ARAP2: variants seen among roughly 807,000 people sequenced by gnomAD.
The protein encoded by ARAP2 is arf-GAP with Rho-GAP domain, ANK repeat and PH domain-containing protein 2.
ARAP2 carries 148 observed loss-of-function variants against 194.5 expected under a neutral mutation model. The observed-to-expected ratio is 0.76, with a 90% CI of 0.67 to 0.87. The LOEUF is 0.87. Among genes scored for constraint, ARAP2 ranks in the 40% least tolerant of loss-of-function variants. The pLI, the probability that ARAP2 is intolerant of heterozygous loss-of-function variation, is 0.00. For synonymous variants in ARAP2, 695 were observed against 683.5 expected (o/e 1.02, Z -0.26); for missense variants, 2,128 against 1,989.7 (o/e 1.07, Z -1.32).
intron 1 of ARAP2, among the ~76,000 whole-genome samples, chr4:36,232,640 GCATACA>G (rs1357553039): frequency 6.6e-6 from 1 of 152,090 alleles, no homozygotes; most frequent in Non-Finnish European, 1.5e-5. Flanking sequence ...ATAACTTTTT[GCATACA>G]CTCTATCTGC....
chr4:36,036,069 C>A (rs1225764235), intron 5 of ARAP2, among the ~76,000 whole-genome samples: 3 of 151,854 alleles, frequency 2.0e-5, no homozygotes, highest in Non-Finnish European at 2.9e-5. Context: ...CAAAGCAAGT[C>A]CATTTTTGTT....
rs71201004 is a variant in ARAP2, at chr4:36,182,495, CTAAA to C, written c.1679-4494_1679-4491del. Among the ~76,000 whole-genome samples the C allele has an allele frequency of 8.4e-3, 1,186 of 140,776 alleles. 15 individuals are homozygous for C. Among genetic ancestry groups the C allele is most frequent in the African/African-American group, 0.025 (938 of 37,784 alleles). The allele number at this position is 140,776 out of a possible 152,430, so 92.4% of individuals were successfully genotyped here. A position where few individuals can be genotyped will look rare whatever the true frequency, so the allele number is the denominator to read the frequency against. On this transcript the variant is annotated intron_variant, in intron 8 of 32. Transcript: ENST00000303965. ...TGTGTGACAGAGCGAGACTCCATCTCTAAATAAATAAATAAATAAATAAATAAAT... is the reference window on the plus strand; with the variant it reads ...TGTGTGACAGAGCGAGACTCCATCTCTAAATAAATAAATAAATAAATAAAT...
At chr4:36,207,671 C>T (rs528889828) in intron 6 of ARAP2, among the ~76,000 whole-genome samples, 48 of 152,160 alleles carry the variant, frequency 3.2e-4, no homozygotes, top group African/African-American at 1.1e-3. Flanking sequence ...CAGTTTCAAA[C>T]ACTATTTGAA....
intron 1 of ARAP2, among the ~76,000 whole-genome samples, chr4:36,231,704 C>T (rs561115999): frequency 1.4e-4 from 22 of 152,248 alleles, no homozygotes; most frequent in Admixed American, 3.3e-4. Context: ...CATACACACA[C>T]GCACACCAAG....
At chr4:36,084,727 A>G (rs1411040558) in intron 28 of ARAP2, among the ~76,000 whole-genome samples, 1 of 152,136 alleles carries the variant, frequency 6.6e-6, no homozygotes, top group East Asian at 1.9e-4. Context: ...TATAACAGAA[A>G]TACAGGGGAA....
chr4:36,228,328 A>C (rs1330065749), intron 2 of ARAP2, among the ~76,000 whole-genome samples: 1 of 152,206 alleles, frequency 6.6e-6, no homozygotes, highest in African/African-American at 2.4e-5. Context: ...AGGAATATCC[A>C]GGTAGAATTA....
chr4:36,211,136 G>A (rs924437462), intron 5 of ARAP2, among the ~76,000 whole-genome samples: 1 of 152,076 alleles, frequency 6.6e-6, no homozygotes, highest in African/African-American at 2.4e-5. Context: ...TCTATATGGA[G>A]ATCTTATTTC....
chr4:36,050,839 C>T (rs779449970), intron 3 of ARAP2, among the ~76,000 whole-genome samples: 2 of 152,160 alleles, frequency 1.3e-5, no homozygotes, highest in East Asian at 1.9e-4. Context: ...GATATTCCAG[C>T]GCTCTATTGC....
chr4:36,193,460 C>A, intron 7 of ARAP2, 118 bp downstream of exon 7: 1 of 550,908 alleles, frequency 1.8e-6, no homozygotes, highest in Non-Finnish European at 3.1e-6. Flanking sequence ...TTAGTTGCAA[C>A]TTCAAATTCT....
intron 6 of ARAP2, 96 bp from the exon 7 acceptor site, chr4:36,193,743 T>C (rs1485263018): frequency 2.1e-6 from 2 of 967,482 alleles, no homozygotes; most frequent in Admixed American, 2.7e-5. Context: ...ATATTATTAT[T>C]TAATGTTAAA....
chr4:36,151,363 T>C (rs1560537748), intron 15 of ARAP2, among the ~76,000 whole-genome samples: 1 of 152,144 alleles, frequency 6.6e-6, no homozygotes, highest in Non-Finnish European at 1.5e-5. Context: ...TGTAGAGTAT[T>C]AAAAGGAAAA....
chr4:36,164,943 A>C lies in ARAP2; in HGVS notation c.2144T>G (p.Leu715Arg). Residue 715 changes from leucine (L) to arginine (R), a missense_variant, in exon 11 of 33, where the codon CTC (leucine) becomes CGC (arginine). Leu to Arg is a moderately radical substitution (Grantham distance 102). Coordinates refer to ENST00000303965, the MANE Select transcript of ARAP2 (RefSeq NM_015230.4). ...APDPDWASIN[L>R]CVVICKKCAG... ...ACACTTCTTACAGATGACAACACAG[A>C]GATTGATGGATGCCCAGTCAGGATC... 1 of 1,614,128 alleles carries C rather than the reference A, an allele frequency of 6.2e-7. No homozygotes were observed. Among genetic ancestry groups the C allele is most frequent in the South Asian group, 1.1e-5 (1 of 91,088 alleles).
intron 4 of ARAP2, chr4:36,046,562 A>T (rs1333430733): frequency 6.6e-6 from 1 of 152,152 alleles, no homozygotes; most frequent in Non-Finnish European, 1.5e-5. Context: ...TGGATGTTAA[A>T]AAAAGTTCTA....
At chr4:36,135,548 T>G (rs1407323509) in intron 19 of ARAP2, among the ~76,000 whole-genome samples, 1 of 151,822 alleles carries the variant, frequency 6.6e-6, no homozygotes, top group Admixed American at 6.6e-5. Flanking sequence ...TGTAATTTTC[T>G]TTTTGAAGAA....
chr4:36,111,203 A>G (rs1245335467), intron 26 of ARAP2, among the ~76,000 whole-genome samples: 4 of 151,936 alleles, frequency 2.6e-5, no homozygotes, highest in African/African-American at 9.7e-5. Flanking sequence ...TTACATTAGC[A>G]AACACACCAA....
In ARAP2 at chr4:36,133,223, T is replaced by TA; in HGVS notation, c.3427+2dup. 6.2e-7 allele frequency: 1 copy of TA among 1,609,832 alleles called. No individual in the cohort carries two copies. Among genetic ancestry groups the TA allele is most frequent in the Non-Finnish European group, 8.5e-7 (1 of 1,177,406 alleles). Reference sequence around the variant, plus strand: ...GGTTGAATAAAAACTCAGTGATACTTACCATACTGTGTAACAAATGCTATA... The same window carrying TA: ...GGTTGAATAAAAACTCAGTGATACTTAACCATACTGTGTAACAAATGCTATA... On this transcript the variant is annotated splice_region_variant and intron_variant, in intron 20 of 32. Coordinates refer to ENST00000303965, the MANE Select transcript of ARAP2 (RefSeq NM_015230.4).
intron 28 of ARAP2, among the ~76,000 whole-genome samples, chr4:36,090,451 A>T (rs997309848): frequency 1.3e-5 from 2 of 152,124 alleles, no homozygotes; most frequent in African/African-American, 4.8e-5. Flanking sequence ...GATACAACAA[A>T]AAAGAAAACC....
chr4:36,021,906 T>C (rs1313498622), intron 5 of ARAP2, among the ~76,000 whole-genome samples: 1 of 152,176 alleles, frequency 6.6e-6, no homozygotes, highest in Admixed American at 6.6e-5. Flanking sequence ...TTTTGTTGTG[T>C]GAACATCAGA....
intron 1 of ARAP2, among the ~76,000 whole-genome samples, chr4:36,059,878 G>A (rs1324807313): frequency 1.3e-5 from 2 of 152,122 alleles, no homozygotes; most frequent in Non-Finnish European, 2.9e-5. Flanking sequence ...ACCTTGCCAG[G>A]AGCAGTTTTC....
Sources: allele counts gnomAD v4.1 joint callset (sites outside exome capture counted in the v4.1 genomes callset), GRCh38; gene constraint gnomAD v4.1.1; transcripts MANE v1.5; gene names NCBI Gene and HGNC (gene_info 2026-07-23, HGNC 2026-07-21).